H1-8: variants seen among roughly 807,000 people sequenced by gnomAD.
The protein encoded by H1-8 is histone H1.8.
H1-8 carries 13 observed loss-of-function variants against 19.5 expected under a neutral mutation model. The observed-to-expected ratio is 0.67, with a 90% CI of 0.43 to 1.06. The LOEUF is 1.06. Among genes scored for constraint, H1-8 ranks in the 50% least tolerant of loss-of-function variants. The pLI, the probability that H1-8 is intolerant of heterozygous loss-of-function variation, is 0.00. For missense variants in H1-8, 432 were observed against 459.8 expected (o/e 0.94, Z 0.55); for synonymous variants, 193 against 187.6 (o/e 1.03, Z -0.24).
Position 129,549,053 on chromosome 3 carries a change from C to T in H1-8, c.431C>T (p.Thr144Met), listed in dbSNP as rs747491281. ...CAGCCCAGGAAGATGGCCCCCGCGA[C>T]GGCTCCCAGGAGAGCGGGTGAGGCC... Reference protein sequence around the residue: ...KIQPRKMAPATAPRRAGEAKG... With the variant: ...KIQPRKMAPAMAPRRAGEAKG... The change falls in exon 3 of 5, where the codon ACG (threonine) becomes ATG (methionine). Residue 144 changes from threonine (T) to methionine (M), a missense_variant. Physicochemically the swap from Thr to Met is moderately conservative, Grantham distance 81. Transcript: ENST00000324382. 8.7e-6 allele frequency: 14 copies of T among 1,612,590 alleles called. No homozygotes were observed. The highest frequency in any genetic ancestry group is 5.3e-5 in the African/African-American group (4 of 74,814).
In H1-8 at chr3:129,551,409, C is replaced by G; in HGVS notation, c.*69C>G. 4.4e-6 allele frequency: 4 copies of G among 904,424 alleles called. No individual in the cohort carries two copies. Among genetic ancestry groups the G allele is most frequent in the Non-Finnish European group, 6.8e-6 (4 of 586,138 alleles). 56.0% of individuals were successfully genotyped at this position (904,424 alleles called of 1,614,324 possible). On this transcript the variant is annotated 3_prime_UTR_variant, in exon 5 of 5. Transcript: ENST00000324382. The stretch of plus-strand genomic sequence containing the variant: ...TTTTATTCTTCAACTAACCACTGCT[C>G]TATTTATTTCATTGTAAGCTATTTA...
chr3:129,550,822 A>G lies in H1-8; in HGVS notation c.807+13A>G. On this transcript the variant is annotated intron_variant, in intron 4 of 4. Coordinates refer to ENST00000324382, the MANE Select transcript of H1-8 (RefSeq NM_153833.3). ...CACGGCCAGCAAGGTAGGTGCCTGC[A>G]TGAATTTCCTGGCCTGGCTGCCTGC... 1.9e-6 allele frequency: 3 copies of G among 1,609,872 alleles called. No homozygotes were observed. The highest frequency in any genetic ancestry group is 2.5e-6 in the Non-Finnish European group (3 of 1,177,666).
Position 129,548,997 on chromosome 3 carries a change from C to T in H1-8, c.379-4C>T, listed in dbSNP as rs763921318. 1.2e-6 allele frequency: 2 copies of T among 1,600,514 alleles called. No homozygotes were observed. The highest frequency in any genetic ancestry group is 1.7e-4 in the Middle Eastern group (1 of 5,970). ...TTTCAGCCCCACCCCGTGTCCTTCT[C>T]CAGTTAGTTCCCAAGCACAAGAAGA... is the stretch of plus-strand genomic sequence containing the variant. On this transcript the variant is annotated splice_polypyrimidine_tract_variant and splice_region_variant and intron_variant, in intron 2 of 4. Transcript: ENST00000324382.
chr3:129,547,127 G>A (rs576696156), intron 1 of H1-8, among the ~76,000 whole-genome samples: 37 of 152,272 alleles, frequency 2.4e-4, no homozygotes, highest in African/African-American at 8.9e-4. Flanking sequence ...AACCCAGGAG[G>A]TGGAGGTTGC....
intron 4 of H1-8, 132 bp downstream of exon 4, chr3:129,550,941 C>T (rs954465738): frequency 5.1e-6 from 5 of 973,352 alleles, no homozygotes; most frequent in East Asian, 2.6e-5. Flanking sequence ...AAGCACAGTC[C>T]ACCACCTTCT....
chr3:129,547,520 C>T lies in H1-8; in HGVS notation c.218C>T (p.Ser73Leu), dbSNP rs1214371372. The change falls in exon 2 of 5, where the codon TCG becomes TTG. Residue 73 changes from serine (S) to leucine (L), a missense_variant. Coordinates refer to ENST00000324382, the MANE Select transcript of H1-8 (RefSeq NM_153833.3). ...LQAGEQRRGT[S>L]VAAIKLYILH... ...GCTGGGGAGCAGCGCCGGGGCACGT[C>T]GGTGGCAGCTATCAAGCTCTACATC... 33 of 1,575,250 alleles carry T rather than the reference C, an allele frequency of 2.1e-5. No homozygotes were observed. The highest frequency in any genetic ancestry group is 2.5e-5 in the Non-Finnish European group (29 of 1,160,542).
At chr3:129,550,073 C>A (rs1408889624) in intron 3 of H1-8, among the ~76,000 whole-genome samples, 1 of 152,142 alleles carries the variant, frequency 6.6e-6, no homozygotes, top group African/African-American at 2.4e-5. Context: ...ATCTGGAGGA[C>A]AATGCAGAGC....
At chr3:129,546,544 T>A (rs1209195104) in intron 1 of H1-8, among the ~76,000 whole-genome samples, 1 of 152,238 alleles carries the variant, frequency 6.6e-6, no homozygotes, top group Non-Finnish European at 1.5e-5. Context: ...AAGAGCCTTT[T>A]AAAAAGCAAT....
Position 129,551,293 on chromosome 3 carries a change from A to T in H1-8, c.994A>T (p.Ile332Phe), listed in dbSNP as rs2084931017. The T allele has an allele frequency of 6.2e-7, 1 of 1,613,996 alleles. No homozygotes were observed. The highest frequency in any genetic ancestry group is 8.5e-7 in the Non-Finnish European group (1 of 1,180,020). ...PKGPRKAGLP[I>F]KASSSKVSSQ... The stretch of plus-strand genomic sequence containing the variant: ...GGGCCCTAGAAAGGCTGGGCTGCCC[A>T]TCAAGGCCTCATCATCCAAAGTGTC... Residue 332 changes from isoleucine (I) to phenylalanine (F), a missense_variant, in exon 5 of 5, where the codon ATC becomes TTC. Transcript: ENST00000324382.
rs754987902 is a variant in H1-8, at chr3:129,551,169, A to C, written c.870A>C (p.Lys290Asn). 5.6e-6 allele frequency: 9 copies of C among 1,614,254 alleles called. 1 individual carries two copies. In the South Asian group the frequency reaches 9.9e-5, roughly 18 times the overall value. ...KKVVAKAKAP[K>N]AGQGPNTKAA... ...TGGTGGCCAAGGCCAAGGCCCCTAA[A>C]GCTGGGCAGGGGCCAAACACCAAGG... Residue 290 changes from lysine to asparagine, a missense_variant, in exon 5 of 5, where the codon AAA (lysine) becomes AAC (asparagine). Transcript: ENST00000324382.
At chr3:129,545,505 T>C (rs1288583730) in intron 1 of H1-8, among the ~76,000 whole-genome samples, 1 of 152,216 alleles carries the variant, frequency 6.6e-6, no homozygotes, top group Non-Finnish European at 1.5e-5. Flanking sequence ...GCTTTTGGTA[T>C]ACTCAGAGTT....
chr3:129,547,450 C>G lies in H1-8; in HGVS notation c.148C>G (p.Arg50Gly). 6.5e-7 allele frequency: 1 copy of G among 1,542,598 alleles called. No individual in the cohort carries two copies. The highest frequency in any genetic ancestry group is 8.7e-7 in the Non-Finnish European group (1 of 1,144,436). Residue 50 changes from arginine to glycine, a missense_variant, in exon 2 of 5, where the codon CGC becomes GGC. Physicochemically the swap from Arg to Gly is moderately radical, Grantham distance 125. Transcript: ENST00000324382. Reference protein sequence around the residue: ...GPSHSSLPVGRRHPPVLRMVL... With the variant: ...GPSHSSLPVGGRHPPVLRMVL... ...GAGCCACAGCAGCCTCCCGGTGGGA[C>G]GCCGCCACCCCCCGGTGCTACGCAT...
At chr3:129,548,387 C>T (rs367605949) in intron 2 of H1-8, 48 of 986,310 alleles carry the variant, frequency 4.9e-5, no homozygotes, top group East Asian at 4.5e-4. Context: ...CCTGGACTTG[C>T]GTCACAGCAG....
intron 1 of H1-8, among the ~76,000 whole-genome samples, chr3:129,544,441 A>G (rs1183342665): frequency 2.0e-5 from 3 of 151,668 alleles, no homozygotes; most frequent in Non-Finnish European, 4.4e-5. Context: ...AGAAAAGCCT[A>G]TGGGGAGGCC....
In H1-8 at chr3:129,547,562, C is replaced by A. The variant is rs776389666; in HGVS notation, c.260C>A (p.Thr87Lys). Residue 87 changes from threonine (T) to lysine (K), a missense_variant, in exon 2 of 5, where the codon ACA becomes AAA. By Grantham distance (78) the Thr-to-Lys change is moderately conservative (BLOSUM62 -1). Transcript: ENST00000324382. Reference protein sequence around the residue: ...IKLYILHKYPTVDVLRFKYLL... With the variant: ...IKLYILHKYPKVDVLRFKYLL... ...CTCTACATCCTGCACAAGTACCCAACAGTGGACGTCCTCCGCTTCAAGTAC... is the reference window on the plus strand; with the variant it reads ...CTCTACATCCTGCACAAGTACCCAAAAGTGGACGTCCTCCGCTTCAAGTAC... 1 of 1,572,864 alleles carries A rather than the reference C, an allele frequency of 6.4e-7. No individual in the cohort carries two copies.
At chr3:129,543,382 C>A in intron 1 of H1-8, 76 bp downstream of exon 1, 1 of 1,064,466 alleles carries the variant, frequency 9.4e-7, no homozygotes, top group Non-Finnish European at 1.4e-6. Flanking sequence ...TCCACCCCTG[C>A]TTCTCGTTCT....
At chr3:129,550,274 T>C (rs1283768112) in intron 3 of H1-8, among the ~76,000 whole-genome samples, 1 of 151,962 alleles carries the variant, frequency 6.6e-6, no homozygotes, top group Non-Finnish European at 1.5e-5. Flanking sequence ...TGGTGTTGCA[T>C]ACCTGTTGCC....
At chr3:129,547,916 G>A (rs1022191037) in intron 2 of H1-8, among the ~76,000 whole-genome samples, 3 of 152,214 alleles carry the variant, frequency 2.0e-5, no homozygotes, top group Admixed American at 6.5e-5. Context: ...GCATGTTTGG[G>A]ATCCCAGGGC....
rs76442039 is a variant in H1-8 at position 129,550,827 on chromosome 3, T to C, written c.807+18T>C. ...CCAGCAAGGTAGGTGCCTGCATGAA[T>C]TTCCTGGCCTGGCTGCCTGCCCTGA... is the stretch of plus-strand genomic sequence containing the variant. On this transcript the variant is annotated intron_variant, in intron 4 of 4. Transcript: ENST00000324382. 3,409 of 1,606,052 alleles carry C rather than the reference T, an allele frequency of 2.1e-3. 60 individuals are homozygous for C. In the African/African-American group the frequency reaches 0.037, roughly 17 times the overall value.
Sources: gnomAD v4.1 joint callset for allele counts (sites outside exome capture counted in the v4.1 genomes callset) on GRCh38, gnomAD v4.1.1 for gene constraint, MANE v1.5 for transcripts, NCBI Gene and HGNC (gene_info 2026-07-23, HGNC 2026-07-21) for gene names.